The following SVEP1 variants were observed in gnomAD, a reference collection of about 807,000 sequenced individuals.
The protein encoded by SVEP1 is sushi, von Willebrand factor type A, EGF and pentraxin domain-containing protein 1.
In SVEP1, 164 loss-of-function variants were observed where a neutral mutation model predicts 367.3. That is an observed-to-expected ratio of 0.45 (90% CI 0.39 to 0.51). SVEP1 has a LOEUF of 0.51. Ranked by LOEUF, SVEP1 falls within the 20% of genes least tolerant of loss-of-function variation. SVEP1 has a pLI of 0.00. For missense variants in SVEP1, 4,117 were observed against 4,425.3 expected, an observed-to-expected ratio of 0.93 and a Z score of 1.98; for synonymous variants, 1,666 against 1,611.6, an observed-to-expected ratio of 1.03 and a Z score of -0.81.
intron 1 of SVEP1, among the ~76,000 whole-genome samples, chr9:110,578,017 A>C (rs1342118696): frequency 2.0e-5 from 3 of 152,174 alleles, no homozygotes; most frequent in Non-Finnish European, 2.9e-5. Context: ...AAATTTATAC[A>C]ACCCTCCAAG....
chr9:110,382,448 G>A (rs191852700), intron 43 of SVEP1, among the ~76,000 whole-genome samples: 2 of 152,104 alleles, frequency 1.3e-5, no homozygotes, highest in Non-Finnish European at 2.9e-5. Context: ...TTAGTCTGAT[G>A]GGCTTCCCTT....
chr9:110,387,540 T>TCATGGAATATATAAA, intron 41 of SVEP1, 82 bp from the exon 42 acceptor site: 2 of 1,374,312 alleles, frequency 1.5e-6, no homozygotes, highest in South Asian at 3.0e-5. Flanking sequence ...CAAAGATATT[T>TCATGGAATATATAAA]CATGGAATAT....
chr9:110,550,254 C>A (rs1338764274), intron 1 of SVEP1, 150 bp from the exon 2 acceptor site: 4 of 1,014,024 alleles, frequency 3.9e-6, no homozygotes, highest in Middle Eastern at 3.3e-4. Flanking sequence ...CAGAAATAGG[C>A]ACAGATGAGA....
At chr9:110,485,431 A>C (rs929936467) in intron 9 of SVEP1, among the ~76,000 whole-genome samples, 1 of 152,090 alleles carries the variant, frequency 6.6e-6, no homozygotes, top group African/African-American at 2.4e-5. Context: ...GTGGCCTTTC[A>C]GGGGTTGGGG....
chr9:110,408,286 T>C lies in SVEP1; in HGVS notation c.7314A>G (p.Val2438=), dbSNP rs745819021. 15 of 1,613,920 alleles carry C rather than the reference T, an allele frequency of 9.3e-6. No individual in the cohort carries two copies. The East Asian group carries it at 3.3e-4, about 36-fold the overall frequency. ...WSSPLPECVP[V]ECPQPEEIPN... ...GGATTTCCTCAGGTTGGGGACATTC[T>C]ACTGGAACACATTCTGGCAGTGGAG... is the stretch of plus-strand genomic sequence containing the variant. Residue 2438 remains valine (V), a synonymous_variant, in exon 38 of 48, where the codon GTA becomes GTG. Transcript: ENST00000374469.
intron 12 of SVEP1, among the ~76,000 whole-genome samples, chr9:110,480,897 C>T (rs112986802): frequency 0.028 from 4,262 of 151,980 alleles, 211 homozygotes; most frequent in African/African-American, 0.097. Flanking sequence ...GCTGGGATTA[C>T]GGGTATACGT....
At chr9:110,519,334 A>C (rs367974469) in intron 3 of SVEP1, among the ~76,000 whole-genome samples, 24 of 152,250 alleles carry the variant, frequency 1.6e-4, no homozygotes, top group East Asian at 1.4e-3. Context: ...GTTGTGCCAG[A>C]TAGATGCTCT....
At chr9:110,559,217 C>T (rs748287578) in intron 1 of SVEP1, among the ~76,000 whole-genome samples, 2 of 151,752 alleles carry the variant, frequency 1.3e-5, no homozygotes, top group Non-Finnish European at 2.9e-5. Flanking sequence ...GACACAGAAC[C>T]ATAGAAAGTG....
intron 36 of SVEP1, among the ~76,000 whole-genome samples, chr9:110,416,153 T>G (rs1564136981): frequency 6.6e-6 from 1 of 151,932 alleles, no homozygotes; most frequent in Non-Finnish European, 1.5e-5. Flanking sequence ...ACAAACATAT[T>G]TTCCATCACA....
intron 3 of SVEP1, among the ~76,000 whole-genome samples, chr9:110,524,574 G>A (rs953697567): frequency 4.6e-5 from 7 of 152,146 alleles, no homozygotes; most frequent in East Asian, 3.9e-4. Context: ...ACAAGGTCAC[G>A]TCAATTGATG....
intron 9 of SVEP1, among the ~76,000 whole-genome samples, chr9:110,489,010 C>T (rs924370141): frequency 6.6e-6 from 1 of 152,064 alleles, no homozygotes; most frequent in African/African-American, 2.4e-5. Context: ...GGGATAGAAG[C>T]CAGATTTGGG....
intron 1 of SVEP1, among the ~76,000 whole-genome samples, chr9:110,561,060 C>T (rs948758952): frequency 3.9e-5 from 6 of 152,116 alleles, no homozygotes; most frequent in Non-Finnish European, 7.4e-5. Context: ...ATGCTTCCAA[C>T]CACAACCCTT....
intron 40 of SVEP1, among the ~76,000 whole-genome samples, chr9:110,391,094 T>C (rs1039105450): frequency 6.6e-6 from 1 of 152,162 alleles, no homozygotes; most frequent in Admixed American, 6.5e-5. Flanking sequence ...TTCCTTAATA[T>C]TAATAAAATG....
chr9:110,450,757 G>C (rs146258158), intron 23 of SVEP1, among the ~76,000 whole-genome samples: 2,299 of 152,002 alleles, frequency 0.015, 50 homozygotes, highest in East Asian at 0.074. Context: ...TTACAGGCGT[G>C]AACCACCATG....
At chr9:110,498,547 T>C (rs1424523687) in intron 7 of SVEP1, among the ~76,000 whole-genome samples, 1 of 152,214 alleles carries the variant, frequency 6.6e-6, no homozygotes, top group Non-Finnish European at 1.5e-5. Flanking sequence ...ATTCCTTCCA[T>C]TCATCTGCCC....
chr9:110,528,085 T>TAC (rs1159205815), intron 3 of SVEP1, among the ~76,000 whole-genome samples: 1 of 145,666 alleles, frequency 6.9e-6, no homozygotes. Context: ...TATATATATA[T>TAC]ATACACACAC....
At chr9:110,545,982 G>T in intron 3 of SVEP1, 133 bp downstream of exon 3, 2 of 1,120,162 alleles carry the variant, frequency 1.8e-6, no homozygotes, top group Non-Finnish European at 1.3e-6. Flanking sequence ...CACAGCTGAA[G>T]CCCCAAAGAG....
chr9:110,564,311 A>G (rs1052413956), intron 1 of SVEP1, among the ~76,000 whole-genome samples: 13 of 152,214 alleles, frequency 8.5e-5, no homozygotes, highest in Non-Finnish European at 1.6e-4. Context: ...AGCTGTTAGA[A>G]AAGAAATAAT....
chr9:110,390,944 C>T (rs1306516671), intron 40 of SVEP1, among the ~76,000 whole-genome samples: 2 of 152,142 alleles, frequency 1.3e-5, no homozygotes, highest in Non-Finnish European at 2.9e-5. Flanking sequence ...AAGCCCCACC[C>T]CTTCCATGAA....
Sources: allele counts gnomAD v4.1 joint callset (sites outside exome capture counted in the v4.1 genomes callset), GRCh38; gene constraint gnomAD v4.1.1; transcripts MANE v1.5; gene names NCBI Gene and HGNC (gene_info 2026-07-23, HGNC 2026-07-21).